The following PANK1 variants were observed in gnomAD, a reference collection of about 807,000 sequenced individuals.
The protein encoded by PANK1 is pantothenate kinase 1, also known as pantothenic acid kinase 1.
PANK1 carries 18 observed loss-of-function variants against 40.1 expected under a neutral mutation model. That is an observed-to-expected ratio of 0.45 (90% CI 0.31 to 0.67). The LOEUF (loss-of-function observed/expected upper bound fraction) is 0.67, where lower values mean the gene tolerates loss of function less well. Among genes scored for constraint, PANK1 ranks in the 30% least tolerant of loss-of-function variants. PANK1 has a pLI of 0.06. For missense variants in PANK1, 457 were observed against 599.6 expected, an observed-to-expected ratio of 0.76 and a Z score of 2.48; for synonymous variants, 242 against 237.7, an observed-to-expected ratio of 1.02 and a Z score of -0.17.
chr10:89,593,432 C>A, intron 4 of PANK1, 112 bp from the exon 5 acceptor site: 1 of 1,217,906 alleles, frequency 8.2e-7, no homozygotes, highest in Non-Finnish European at 1.1e-6. Context: ...TCAAGTGATC[C>A]AATTTTGCTA....
chr10:89,614,728 C>G (rs1329650061), intron 1 of PANK1, among the ~76,000 whole-genome samples: 3 of 151,862 alleles, frequency 2.0e-5, no homozygotes, highest in Non-Finnish European at 4.4e-5. Flanking sequence ...TCCAGGGAGG[C>G]AGAGGTTGCA....
intron 3 of PANK1, among the ~76,000 whole-genome samples, chr10:89,595,768 G>GATTGCACC (rs1052291390): frequency 7.2e-6 from 1 of 138,496 alleles, no homozygotes; most frequent in Non-Finnish European, 1.5e-5. Context: ...AGTGAGCCGA[G>GATTGCACC]ATTGCACCAC....
intron 1 of PANK1, among the ~76,000 whole-genome samples, chr10:89,619,588 T>G (rs979704238): frequency 1.3e-5 from 2 of 152,230 alleles, no homozygotes; most frequent in African/African-American, 2.4e-5. Flanking sequence ...TGAGATTCCC[T>G]AATGCCAATG....
intron 2 of PANK1, among the ~76,000 whole-genome samples, chr10:89,605,641 C>T (rs1019192663): frequency 1.1e-4 from 17 of 152,208 alleles, no homozygotes; most frequent in Non-Finnish European, 2.1e-4. Flanking sequence ...TCTTCACTGA[C>T]ATCTTGAACT....
chr10:89,643,574 A>T, intron 1 of PANK1: 1 of 693,318 alleles, frequency 1.4e-6, no homozygotes, highest in Non-Finnish European at 2.5e-6. Context: ...GGGAAAAGTG[A>T]AGGTGTTATT....
intron 1 of PANK1, among the ~76,000 whole-genome samples, chr10:89,617,898 A>G (rs1229671621): frequency 6.6e-6 from 1 of 152,192 alleles, no homozygotes; most frequent in Non-Finnish European, 1.5e-5. Flanking sequence ...GCAATCTCAC[A>G]CCTAAAACAG....
At chr10:89,642,336 T>C (rs1424449095) in intron 1 of PANK1, among the ~76,000 whole-genome samples, 1 of 152,240 alleles carries the variant, frequency 6.6e-6, no homozygotes, top group Non-Finnish European at 1.5e-5. Flanking sequence ...TATCCACACA[T>C]GCATTCCAGG....
intron 1 of PANK1, among the ~76,000 whole-genome samples, chr10:89,637,154 G>A (rs988644929): frequency 1.3e-5 from 2 of 151,794 alleles, no homozygotes; most frequent in Non-Finnish European, 2.9e-5. Flanking sequence ...CACCGCACCC[G>A]GCCCACCTGA....
intron 2 of PANK1, 54 bp from the exon 3 acceptor site, chr10:89,599,559 G>T: frequency 6.4e-7 from 1 of 1,551,790 alleles, no homozygotes; most frequent in Middle Eastern, 1.7e-4. Context: ...GACCATCTAA[G>T]GGGAAGCCCC....
intron 1 of PANK1, among the ~76,000 whole-genome samples, chr10:89,619,480 A>G (rs1845416675): frequency 1.3e-5 from 2 of 152,248 alleles, no homozygotes; most frequent in South Asian, 2.1e-4. Context: ...ATTTCACAGT[A>G]TAAACTAAAT....
chr10:89,632,362 T>A (rs1841677599), intron 1 of PANK1, among the ~76,000 whole-genome samples: 1 of 152,188 alleles, frequency 6.6e-6, no homozygotes, highest in Admixed American at 6.5e-5. Flanking sequence ...AACTTCAGTC[T>A]ACTTATCCTA....
chr10:89,617,956 T>G (rs1845370154), intron 1 of PANK1, among the ~76,000 whole-genome samples: 1 of 152,208 alleles, frequency 6.6e-6, no homozygotes, highest in African/African-American at 2.4e-5. Flanking sequence ...CCCTCAACTC[T>G]CTAAAGTCAG....
intron 1 of PANK1, chr10:89,643,759 A>C: frequency 6.2e-7 from 1 of 1,612,512 alleles, no homozygotes; most frequent in Non-Finnish European, 8.5e-7. Context: ...CAGTTGAATG[A>C]GCTTCAGTCA....
chr10:89,613,025 C>T (rs986815362), intron 1 of PANK1, among the ~76,000 whole-genome samples: 1 of 152,162 alleles, frequency 6.6e-6, no homozygotes, highest in Non-Finnish European at 1.5e-5. Context: ...CAAAATGAAT[C>T]TCCATCATGA....
chr10:89,605,104 T>C (rs1436377082), intron 2 of PANK1, among the ~76,000 whole-genome samples: 1 of 151,942 alleles, frequency 6.6e-6, no homozygotes, highest in Non-Finnish European at 1.5e-5. Flanking sequence ...TTAAAATATA[T>C]TTATTGCTAA....
intron 5 of PANK1, 77 bp downstream of exon 5, chr10:89,593,120 G>C: frequency 2.2e-6 from 3 of 1,391,236 alleles, no homozygotes; most frequent in African/African-American, 1.4e-5. Flanking sequence ...AGTTGTGTAA[G>C]AGTCAACAGG....
chr10:89,640,353 A>G (rs182681443), intron 1 of PANK1, among the ~76,000 whole-genome samples: 1 of 151,924 alleles, frequency 6.6e-6, no homozygotes, highest in East Asian at 1.9e-4. Flanking sequence ...TGCCCCTTTG[A>G]ATCATCTACT....
At position 89,624,923 on chromosome 10, in the gene PANK1, T is replaced by TG. The variant is rs1845614163; in HGVS notation, c.293-12876dup. The stretch of plus-strand genomic sequence containing the variant: ...ACTACATTTCTTTGTTTTCTTGAGA[T>TG]GGGGCCTCACTGTTGCCCAGGCTGG... On this transcript the variant is annotated intron_variant, in intron 1 of 6. Transcript: ENST00000307534. Among the ~76,000 whole-genome samples the TG allele has an allele frequency of 2.0e-5, 3 of 152,238 alleles. No homozygotes were observed. The South Asian group carries it at 6.2e-4, about 32-fold the overall frequency.
intron 2 of PANK1, among the ~76,000 whole-genome samples, chr10:89,604,955 G>A (rs2133951644): frequency 6.6e-6 from 1 of 151,390 alleles, no homozygotes; most frequent in South Asian, 2.1e-4. Flanking sequence ...GTTTCACCAT[G>A]TTAGCCAGGA....
Sources: gnomAD v4.1 joint callset for allele counts (sites outside exome capture counted in the v4.1 genomes callset) on GRCh38, gnomAD v4.1.1 for gene constraint, MANE v1.5 for transcripts, NCBI Gene and HGNC (gene_info 2026-07-23, HGNC 2026-07-21) for gene names.